The following PIGN variants were observed in gnomAD, a reference collection of about 807,000 sequenced individuals.
The protein encoded by PIGN is GPI ethanolamine phosphate transferase 1.
A neutral mutation model predicts 125.4 loss-of-function variants in PIGN; 117 were observed. The ratio of observed to expected loss-of-function variants is 0.93; its 90% CI spans 0.80 to 1.09. The LOEUF is 1.09. Ranked by LOEUF, PIGN falls within the 50% of genes least tolerant of loss-of-function variation. The probability of loss-of-function intolerance (pLI) is 0.00; values close to 1 mark genes in which losing one functional copy is unlikely to be tolerated. For missense variants in PIGN, 1,075 were observed against 1,094.9 expected, an observed-to-expected ratio of 0.98 and a Z score of 0.26; for synonymous variants, 392 against 377.8, an observed-to-expected ratio of 1.04 and a Z score of -0.44.
intron 1 of PIGN, among the ~76,000 whole-genome samples, chr18:62,184,272 A>G (rs1408699404): frequency 6.6e-6 from 1 of 152,228 alleles, no homozygotes; most frequent in African/African-American, 2.4e-5. Context: ...TGCTTTGAAA[A>G]AAGGCATCTT....
chr18:62,180,554 G>A (rs2037681072), intron 1 of PIGN, among the ~76,000 whole-genome samples: 2 of 152,032 alleles, frequency 1.3e-5, no homozygotes, highest in South Asian at 4.1e-4. Context: ...GGCCAAATTG[G>A]CATCCTGTTA....
At chr18:62,159,099 C>A (rs1021097152) in intron 4 of PIGN, among the ~76,000 whole-genome samples, 2 of 152,136 alleles carry the variant, frequency 1.3e-5, no homozygotes, top group African/African-American at 4.8e-5. Flanking sequence ...CAAAAATTAG[C>A]CGGGCGTGGT....
chr18:62,058,063 AGCACCTGCCACTGAAGGTGGGT>A (rs59259281), intron 30 of PIGN, among the ~76,000 whole-genome samples: 45,811 of 152,048 alleles, frequency 0.3, 8,055 homozygotes, highest in East Asian at 0.58. Flanking sequence ...ATAAGCACCC[AGCACCTGCCACTGAAGGTGGGT>A]GGCCTTCAAA....
At chr18:62,068,881 C>CT (rs2032679704) in intron 30 of PIGN, among the ~76,000 whole-genome samples, 1 of 152,202 alleles carries the variant, frequency 6.6e-6, no homozygotes, top group African/African-American at 2.4e-5. Context: ...CAGACAGCTC[C>CT]TGTTCTGAAA....
chr18:62,097,386 A>C (rs1476233703), intron 22 of PIGN, among the ~76,000 whole-genome samples: 1 of 138,610 alleles, frequency 7.2e-6, no homozygotes, highest in Non-Finnish European at 1.6e-5. Context: ...ATCATCTCAC[A>C]CCAGTTAGAA....
At chr18:62,026,671 C>T (rs980016348) in intron 23 of PIGN, among the ~76,000 whole-genome samples, 5 of 152,232 alleles carry the variant, frequency 3.3e-5, no homozygotes, top group African/African-American at 1.2e-4. Context: ...ACTTTCTTCA[C>T]ACGGAGAACC....
intron 30 of PIGN, among the ~76,000 whole-genome samples, chr18:62,070,785 C>T (rs2032798368): frequency 6.6e-6 from 1 of 151,998 alleles, no homozygotes; most frequent in African/African-American, 2.4e-5. Flanking sequence ...TCAGATTATA[C>T]TTTATTTTTA....
At chr18:62,080,735 C>CT (rs1275731023) in intron 28 of PIGN, among the ~76,000 whole-genome samples, 1 of 152,132 alleles carries the variant, frequency 6.6e-6, no homozygotes, top group Admixed American at 6.5e-5. Context: ...AGCAGGGTTG[C>CT]TGATGGCATC....
chr18:62,025,099 A>G (rs1051239510), intron 23 of PIGN, among the ~76,000 whole-genome samples: 3 of 152,234 alleles, frequency 2.0e-5, no homozygotes, highest in East Asian at 1.9e-4. Context: ...CAAAAATGTT[A>G]TATCTCTATT....
chr18:62,173,851 T>C (rs1464149315), intron 1 of PIGN, among the ~76,000 whole-genome samples: 3 of 152,174 alleles, frequency 2.0e-5, no homozygotes, highest in Non-Finnish European at 2.9e-5. Context: ...TCCTTTCCAA[T>C]TGGAACACAA....
intron 23 of PIGN, among the ~76,000 whole-genome samples, chr18:62,034,948 T>A (rs1368622407): frequency 3.3e-5 from 5 of 152,082 alleles, no homozygotes; most frequent in Non-Finnish European, 7.4e-5. Context: ...TGGCTCTGTG[T>A]CCCCACCCAA....
intron 28 of PIGN, among the ~76,000 whole-genome samples, chr18:62,078,109 A>C (rs2033265730): frequency 6.6e-6 from 1 of 152,304 alleles, no homozygotes; most frequent in Middle Eastern, 3.4e-3. Context: ...TCAGGACTTC[A>C]ACATAAGAAT....
intron 6 of PIGN, among the ~76,000 whole-genome samples, chr18:62,156,210 C>T (rs988593210): frequency 6.6e-6 from 1 of 152,136 alleles, no homozygotes; most frequent in African/African-American, 2.4e-5. Context: ...CTAAATGCTA[C>T]ATTCAGTATA....
In PIGN at chr18:62,044,581, A is replaced by G. The variant is rs2030527708; in HGVS notation, c.*1275T>C. On this transcript the variant is annotated 3_prime_UTR_variant, in exon 31 of 31. Coordinates refer to ENST00000640252, the MANE Select transcript of PIGN (RefSeq NM_176787.5). ...ATAAATTATGACTATACTTCATCAT[A>G]AATAGAAATTAAGAAAGTACACTTT... 6.6e-6 allele frequency: 1 copy of G among 151,742 alleles called. No homozygotes were observed. Among genetic ancestry groups the G allele is most frequent in the South Asian group, 2.1e-4 (1 of 4,800 alleles). The allele number at this position is 151,742 out of a possible 1,614,324, so 9.4% of individuals were successfully genotyped here.
intron 10 of PIGN, among the ~76,000 whole-genome samples, chr18:62,143,918 C>T (rs868187432): frequency 2.6e-5 from 4 of 152,042 alleles, no homozygotes; most frequent in African/African-American, 4.8e-5. Flanking sequence ...TTGCATTAAA[C>T]GGAAATCTAA....
At chr18:62,166,893 C>A (rs1335495906) in intron 1 of PIGN, among the ~76,000 whole-genome samples, 1 of 151,998 alleles carries the variant, frequency 6.6e-6, no homozygotes, top group Non-Finnish European at 1.5e-5. Context: ...ACACCAGGGC[C>A]TGTAGCAGGG....
chr18:62,150,697 T>TGTG (rs33998141), intron 7 of PIGN, among the ~76,000 whole-genome samples: 1 of 151,392 alleles, frequency 6.6e-6, no homozygotes. Context: ...GAGTTATTTT[T>TGTG]TTTGTTTGTT....
chr18:62,104,004 T>C (rs1036558881), intron 20 of PIGN, among the ~76,000 whole-genome samples: 4 of 152,212 alleles, frequency 2.6e-5, no homozygotes, highest in Non-Finnish European at 5.9e-5. Context: ...GTTTGCTTTT[T>C]CCTTTAATTG....
intron 14 of PIGN, among the ~76,000 whole-genome samples, chr18:62,130,052 C>T (rs2035675908): frequency 6.6e-6 from 1 of 152,122 alleles, no homozygotes; most frequent in Admixed American, 6.6e-5. Flanking sequence ...GATAAAGCTA[C>T]AAGCCAAGGA....
Sources: gnomAD v4.1 joint callset for allele counts (sites outside exome capture counted in the v4.1 genomes callset) on GRCh38, gnomAD v4.1.1 for gene constraint, MANE v1.5 for transcripts, NCBI Gene and HGNC (gene_info 2026-07-23, HGNC 2026-07-21) for gene names.